The following FHIT variants were observed in gnomAD, a reference collection of about 807,000 sequenced individuals.
FHIT encodes the protein fragile histidine triad diadenosine triphosphatase.
A neutral mutation model predicts 17.9 loss-of-function variants in FHIT; 19 were observed. The ratio of observed to expected loss-of-function variants is 1.06; its 90% CI spans 0.74 to 1.56. The LOEUF is 1.56. Ranked by LOEUF, FHIT falls within the 40% of genes most tolerant of loss-of-function variation. The pLI is 0.00. For synonymous variants in FHIT, 81 were observed against 69.7 expected (o/e 1.16, Z -0.81); for missense variants, 248 against 189.2 (o/e 1.31, Z -1.82).
At chr3:60,111,434 C>T (rs746537129) in intron 5 of FHIT, among the ~76,000 whole-genome samples, 1 of 152,182 alleles carries the variant, frequency 6.6e-6, no homozygotes, top group Non-Finnish European at 1.5e-5. Context: ...TCTAAAACCA[C>T]TGATATATAA....
intron 5 of FHIT, among the ~76,000 whole-genome samples, chr3:60,117,392 A>G (rs28494615): frequency 0.31 from 46,404 of 150,760 alleles, 7,431 homozygotes; most frequent in Non-Finnish European, 0.36. Context: ...AGAAAAGAGG[A>G]TTTAAATTTT....
chr3:60,658,038 C>G (rs782355339), intron 4 of FHIT, among the ~76,000 whole-genome samples: 2 of 152,104 alleles, frequency 1.3e-5, no homozygotes, highest in Non-Finnish European at 2.9e-5. Flanking sequence ...ACCTATCTAT[C>G]TCCAGAACTC....
rs191595267 is a variant in FHIT at position 61,188,225 on chromosome 3, T to C, written c.-164+12392A>G. On this transcript the variant is annotated intron_variant, in intron 2 of 9. Transcript: ENST00000492590. ...AGAAAAGAGAGAAGAATCAAATAGA[T>C]GCAGTAAAAAATGATAAAGGGGATA... is the stretch of plus-strand genomic sequence containing the variant. Among the ~76,000 whole-genome samples, 208 of 151,912 alleles carry C rather than the reference T, an allele frequency of 1.4e-3. 1 individual carries two copies. Among genetic ancestry groups the C allele is most frequent in the African/African-American group, 4.9e-3 (203 of 41,462 alleles).
At chr3:60,322,905 G>A (rs1273269809) in intron 5 of FHIT, among the ~76,000 whole-genome samples, 2 of 152,132 alleles carry the variant, frequency 1.3e-5, no homozygotes, top group Non-Finnish European at 2.9e-5. Context: ...AAAATACAAT[G>A]TTTAACTAGA....
At chr3:61,159,777 T>C (rs1458809515) in intron 2 of FHIT, among the ~76,000 whole-genome samples, 1 of 152,200 alleles carries the variant, frequency 6.6e-6, no homozygotes, top group Non-Finnish European at 1.5e-5. Flanking sequence ...TTAAGTCAAA[T>C]TTACTAGTTC....
At chr3:61,231,949 G>T (rs951221807) in intron 1 of FHIT, among the ~76,000 whole-genome samples, 42 of 152,276 alleles carry the variant, frequency 2.8e-4, no homozygotes, top group African/African-American at 9.1e-4. Context: ...GAAAATATGT[G>T]CTTGGGTTGT....
intron 3 of FHIT, among the ~76,000 whole-genome samples, chr3:61,020,883 C>G (rs2032385919): frequency 6.6e-6 from 1 of 152,226 alleles, no homozygotes; most frequent in South Asian, 2.1e-4. Flanking sequence ...AGTTGCAATA[C>G]TAGTCTCTGA....
intron 5 of FHIT, among the ~76,000 whole-genome samples, chr3:60,122,068 G>GA (rs72037548): frequency 0.38 from 57,667 of 151,490 alleles, 12,002 homozygotes; most frequent in African/African-American, 0.55. Context: ...AGAAATGAGA[G>GA]AATGCACAAA....
chr3:59,882,755 C>T (rs1703463094), intron 8 of FHIT, among the ~76,000 whole-genome samples: 1 of 152,212 alleles, frequency 6.6e-6, no homozygotes, highest in Non-Finnish European at 1.5e-5. Flanking sequence ...TGACACCTAA[C>T]ACCTTGGTCC....
At chr3:60,831,250 T>C (rs1409206529) in intron 3 of FHIT, among the ~76,000 whole-genome samples, 3 of 152,272 alleles carry the variant, frequency 2.0e-5, no homozygotes, top group Non-Finnish European at 2.9e-5. Context: ...GAAAAACATA[T>C]GTTTTTAGGA....
intron 4 of FHIT, among the ~76,000 whole-genome samples, chr3:60,683,315 T>TTC (rs1320747654): frequency 2.0e-5 from 3 of 152,196 alleles, no homozygotes; most frequent in African/African-American, 7.2e-5. Flanking sequence ...AAGTCATTCG[T>TTC]GAAAGCAAGA....
intron 7 of FHIT, among the ~76,000 whole-genome samples, chr3:59,965,043 C>G (rs1318396680): frequency 1.3e-5 from 2 of 152,108 alleles, no homozygotes; most frequent in Non-Finnish European, 2.9e-5. Flanking sequence ...CAAAAAAACA[C>G]TTGTGGCCCT....
At chr3:60,484,149 T>A (rs1395046291) in intron 5 of FHIT, among the ~76,000 whole-genome samples, 1 of 152,100 alleles carries the variant, frequency 6.6e-6, no homozygotes, top group African/African-American at 2.4e-5. Context: ...CAAGGAGAAC[T>A]ACAAACCACT....
intron 8 of FHIT, among the ~76,000 whole-genome samples, chr3:59,825,943 TAGTAATGTCCCTA>T (rs561097469): frequency 2.6e-5 from 4 of 152,318 alleles, no homozygotes; most frequent in Admixed American, 2.6e-4. Context: ...CCATCATTTA[TAGTAATGTCCCTA>T]AGGCTGCTTT....
At chr3:61,140,573 A>T (rs969022340) in intron 2 of FHIT, among the ~76,000 whole-genome samples, 9 of 152,180 alleles carry the variant, frequency 5.9e-5, no homozygotes, top group Admixed American at 3.9e-4. Context: ...AGTAGCAAGC[A>T]TACAGTCAAA....
chr3:60,060,105 G>C (rs540598708), intron 5 of FHIT, among the ~76,000 whole-genome samples: 2 of 151,824 alleles, frequency 1.3e-5, no homozygotes, highest in East Asian at 3.9e-4. Context: ...GGAAAGTGAC[G>C]TTATTAACCC....
chr3:60,300,935 T>C (rs1401253944), intron 5 of FHIT, among the ~76,000 whole-genome samples: 1 of 151,888 alleles, frequency 6.6e-6, no homozygotes, highest in African/African-American at 2.4e-5. Context: ...TGTACTGTAA[T>C]AGTCATCTCC....
intron 3 of FHIT, among the ~76,000 whole-genome samples, chr3:60,895,685 T>C (rs868964782): frequency 0.022 from 1,894 of 84,754 alleles, 77 homozygotes; most frequent in African/African-American, 0.07. Flanking sequence ...TTTCTTTCTT[T>C]CTTTCTTTCT....
rs191398664 is a variant in FHIT at position 60,248,812 on chromosome 3, C to A, written c.104-234660G>T. Reference sequence around the variant, plus strand: ...GCTAGAAGGGCGCTGTGACTCACCCCTTTTTCTTCCCGAATGCAGGGATAA... The same window carrying A: ...GCTAGAAGGGCGCTGTGACTCACCCATTTTTCTTCCCGAATGCAGGGATAA... On this transcript the variant is annotated intron_variant, in intron 5 of 9. Transcript: ENST00000492590. Among the ~76,000 whole-genome samples the A allele has an allele frequency of 1.9e-3, 289 of 152,234 alleles. 3 individuals carry two copies. Among genetic ancestry groups the A allele is most frequent in the Non-Finnish European group, 3.2e-3 (220 of 68,004 alleles).
Sources: gnomAD v4.1 joint callset for allele counts (sites outside exome capture counted in the v4.1 genomes callset) on GRCh38, gnomAD v4.1.1 for gene constraint, MANE v1.5 for transcripts, NCBI Gene and HGNC (gene_info 2026-07-23, HGNC 2026-07-21) for gene names.